The following CADPS variants were observed in gnomAD, a reference collection of about 807,000 sequenced individuals.
CADPS encodes the protein calcium dependent secretion activator, also known as calcium-dependent secretion activator 1.
CADPS carries 57 observed loss-of-function variants against 167.3 expected under a neutral mutation model. The observed-to-expected ratio is 0.34, with a 90% CI of 0.28 to 0.42. The LOEUF is 0.42. Ranked by LOEUF, CADPS falls within the 20% of genes least tolerant of loss-of-function variation. The probability of loss-of-function intolerance (pLI) is 1.00; values close to 1 mark genes in which losing one functional copy is unlikely to be tolerated. For synonymous variants in CADPS, 676 were observed against 635.3 expected (o/e 1.06, Z -0.96); for missense variants, 1,414 against 1,738.1 (o/e 0.81, Z 3.32).
chr3:62,531,353 A>G (rs2073641135), intron 13 of CADPS, among the ~76,000 whole-genome samples: 1 of 152,174 alleles, frequency 6.6e-6, no homozygotes, highest in South Asian at 2.1e-4. Flanking sequence ...TTTCATGAGT[A>G]TCTTTTATGC....
At chr3:62,452,748 G>A (rs2058230585) in intron 26 of CADPS, among the ~76,000 whole-genome samples, 1 of 152,158 alleles carries the variant, frequency 6.6e-6, no homozygotes, top group Non-Finnish European at 1.5e-5. Flanking sequence ...AGAAGTGGAT[G>A]ATGTAAAGTG....
At chr3:62,466,539 C>T (rs1318574388) in intron 24 of CADPS, 126 bp from the exon 25 acceptor site, 2 of 703,514 alleles carry the variant, frequency 2.8e-6, no homozygotes, top group African/African-American at 3.5e-5. Context: ...TTTCCTTAGT[C>T]CCAGAAATAT....
chr3:62,530,015 C>T (rs1363813016), intron 13 of CADPS, among the ~76,000 whole-genome samples: 1 of 152,054 alleles, frequency 6.6e-6, no homozygotes, highest in South Asian at 2.1e-4. Flanking sequence ...AATTTATAAA[C>T]CCGCAAAGAA....
chr3:62,619,328 T>C (rs535094435), intron 6 of CADPS, among the ~76,000 whole-genome samples: 1 of 152,276 alleles, frequency 6.6e-6, no homozygotes, highest in Middle Eastern at 3.4e-3. Flanking sequence ...CTCAGGAACT[T>C]GGTGGTACTA....
intron 1 of CADPS, among the ~76,000 whole-genome samples, chr3:62,787,633 T>A (rs2092583687): frequency 2.6e-5 from 4 of 152,192 alleles, no homozygotes. Context: ...ATAGGATGTG[T>A]GTTCAAAATA....
chr3:62,843,218 T>A (rs1258110080), intron 1 of CADPS, among the ~76,000 whole-genome samples: 1 of 152,216 alleles, frequency 6.6e-6, no homozygotes, highest in Non-Finnish European at 1.5e-5. Flanking sequence ...TTCCAAATAC[T>A]GTAGGCAAAT....
chr3:62,510,938 C>A (rs756337580), intron 17 of CADPS, among the ~76,000 whole-genome samples: 8 of 152,250 alleles, frequency 5.3e-5, no homozygotes, highest in Non-Finnish European at 1.2e-4. Context: ...TTCACTATAC[C>A]AAGCTTCAAA....
rs182980331 is a variant in CADPS at position 62,578,683 on chromosome 3, A to G, written c.1577+6502T>C. ...ATCTAATAACAAAGCTTCAGAATAT[A>G]TGAAGCAAAACCAGACAGAACTACA... On this transcript the variant is annotated intron_variant, in intron 8 of 29. Transcript: ENST00000383710. 4.2e-3 allele frequency among the ~76,000 whole-genome samples: 633 copies of G among 152,136 alleles called. 5 individuals carry two copies. The highest frequency in any genetic ancestry group is 5.6e-3 in the Non-Finnish European group (383 of 68,000).
chr3:62,845,997 T>C (rs909363834), intron 1 of CADPS, among the ~76,000 whole-genome samples: 1 of 152,084 alleles, frequency 6.6e-6, no homozygotes, highest in African/African-American at 2.4e-5. Flanking sequence ...CCTGTTCTCA[T>C]GATAGTGAGT....
At chr3:62,485,148 G>A (rs891581797) in intron 21 of CADPS, among the ~76,000 whole-genome samples, 4 of 123,958 alleles carry the variant, frequency 3.2e-5, no homozygotes, top group African/African-American at 7.8e-5. Context: ...AGAGTAAGAC[G>A]TTTTTAAGCG....
At chr3:62,765,840 T>C (rs1337062869) in intron 2 of CADPS, 31 bp downstream of exon 2, 2 of 1,454,412 alleles carry the variant, frequency 1.4e-6, no homozygotes, top group African/African-American at 1.4e-5. Context: ...GCTTGAGTGG[T>C]CTTGGCATTC....
chr3:62,407,234 A>T (rs1030525447), intron 28 of CADPS, among the ~76,000 whole-genome samples: 3 of 152,102 alleles, frequency 2.0e-5, no homozygotes, highest in African/African-American at 4.8e-5. Flanking sequence ...AAAGTGGAAC[A>T]CGTTACCAGG....
At chr3:62,644,411 C>T (rs567523757) in intron 6 of CADPS, among the ~76,000 whole-genome samples, 2 of 152,226 alleles carry the variant, frequency 1.3e-5, no homozygotes, top group Admixed American at 6.5e-5. Context: ...GTCTACTGAC[C>T]CTAATGAATG....
At chr3:62,457,091 G>A (rs1234174648) in intron 26 of CADPS, among the ~76,000 whole-genome samples, 1 of 152,056 alleles carries the variant, frequency 6.6e-6, no homozygotes, top group Non-Finnish European at 1.5e-5. Flanking sequence ...TTTACATACA[G>A]CAGTGGCTGA....
chr3:62,521,040 G>T (rs1021478019), intron 13 of CADPS, among the ~76,000 whole-genome samples: 2 of 152,110 alleles, frequency 1.3e-5, no homozygotes, highest in Non-Finnish European at 2.9e-5. Flanking sequence ...CTAGAGCAGT[G>T]GTTCTCAAAC....
intron 11 of CADPS, among the ~76,000 whole-genome samples, chr3:62,548,983 T>A (rs1042600390): frequency 1.3e-5 from 2 of 152,246 alleles, no homozygotes; most frequent in Non-Finnish European, 2.9e-5. Flanking sequence ...TGGTACCTTG[T>A]CTGTCCTTCT....
intron 10 of CADPS, among the ~76,000 whole-genome samples, chr3:62,557,030 C>G (rs866907876): frequency 1.3e-5 from 2 of 151,424 alleles, no homozygotes; most frequent in Admixed American, 6.6e-5. Context: ...CACACACACA[C>G]ACACACACAC....
intron 1 of CADPS, among the ~76,000 whole-genome samples, chr3:62,863,744 G>C (rs1357144739): frequency 6.6e-6 from 1 of 152,192 alleles, no homozygotes; most frequent in Non-Finnish European, 1.5e-5. Flanking sequence ...TTGAAACAAT[G>C]GTATCAAACA....
At chr3:62,429,473 C>T (rs1053230571) in intron 28 of CADPS, among the ~76,000 whole-genome samples, 1 of 152,094 alleles carries the variant, frequency 6.6e-6, no homozygotes, top group Non-Finnish European at 1.5e-5. Context: ...CTTTTGATAG[C>T]CTATCTGGAG....
Sources: allele counts gnomAD v4.1 joint callset (sites outside exome capture counted in the v4.1 genomes callset), GRCh38; gene constraint gnomAD v4.1.1; transcripts MANE v1.5; gene names NCBI Gene and HGNC (gene_info 2026-07-23, HGNC 2026-07-21).